The following SEMA5A variants were observed in gnomAD, a reference collection of about 807,000 sequenced individuals.
SEMA5A encodes semaphorin 5A.
In SEMA5A, 55 loss-of-function variants were observed where a neutral mutation model predicts 135.5. The ratio of observed to expected loss-of-function variants is 0.41; its 90% CI spans 0.33 to 0.51. SEMA5A has a LOEUF of 0.51. Ranked by LOEUF, SEMA5A falls within the 20% of genes least tolerant of loss-of-function variation. SEMA5A has a pLI of 0.37. For missense variants in SEMA5A, 1,290 were observed against 1,419.9 expected (o/e 0.91, Z 1.47); for synonymous variants, 580 against 546.5 (o/e 1.06, Z -0.85).
intron 16 of SEMA5A, among the ~76,000 whole-genome samples, chr5:9,089,619 AT>A (rs1215280016): frequency 2.6e-5 from 4 of 152,118 alleles, no homozygotes; most frequent in Non-Finnish European, 5.9e-5. Flanking sequence ...TACCACCCTT[AT>A]TTCTTTACCT....
rs189625363 is a variant in SEMA5A at position 9,475,005 on chromosome 5, G to A, written c.-174-37153C>T. Among the ~76,000 whole-genome samples the A allele has an allele frequency of 1.0e-3, 152 of 152,290 alleles. 1 individual carries two copies. The highest frequency in any genetic ancestry group is 9.1e-3 in the Admixed American group (139 of 15,296). On this transcript the variant is annotated intron_variant, in intron 1 of 22. Transcript: ENST00000382496. ...CACCCAGGCTGGAGTGCAGTGGCACGATCTCAGCTCACTGCAACCTCCACC... is the reference window on the plus strand; with the variant it reads ...CACCCAGGCTGGAGTGCAGTGGCACAATCTCAGCTCACTGCAACCTCCACC...
At chr5:9,267,704 A>C (rs1749755479) in intron 5 of SEMA5A, among the ~76,000 whole-genome samples, 2 of 152,152 alleles carry the variant, frequency 1.3e-5, no homozygotes, top group Admixed American at 1.3e-4. Context: ...TATAGAATTC[A>C]ACTAAAATAG....
At chr5:9,241,562 C>A in intron 5 of SEMA5A, among the ~76,000 whole-genome samples, 4 of 88,172 alleles carry the variant, frequency 4.5e-5, no homozygotes, top group African/African-American at 9.9e-5. Context: ...ACAAAGAGAG[C>A]TACAAAAAAA....
chr5:9,283,090 A>G (rs1750624462), intron 5 of SEMA5A, among the ~76,000 whole-genome samples: 1 of 152,234 alleles, frequency 6.6e-6, no homozygotes, highest in Non-Finnish European at 1.5e-5. Context: ...GCCACTGAGT[A>G]TAGGATAATT....
Position 9,154,521 on chromosome 5 carries a change from G to A in SEMA5A, c.1448C>T (p.Pro483Leu). The A allele has an allele frequency of 6.2e-7, 1 of 1,612,278 alleles. No individual in the cohort carries two copies. Among genetic ancestry groups the A allele is most frequent in the Non-Finnish European group, 8.5e-7 (1 of 1,179,980 alleles). ...VGLREHVVKI[P>L]LKRCQFYRTR... is the part of the protein sequence containing the mutation. ...GCGGTAGAACTGGCACCTCTTCAGG[G>A]GGATCTTGACCACGTGCTCCCGCAG... is the stretch of plus-strand genomic sequence containing the variant. Residue 483 changes from proline (P) to leucine (L), a missense_variant, in exon 12 of 23, where the codon CCC (proline) becomes CTC (leucine). Pro to Leu is a moderately conservative substitution (Grantham distance 98). Transcript: ENST00000382496.
intron 16 of SEMA5A, among the ~76,000 whole-genome samples, chr5:9,068,958 C>T (rs1203435579): frequency 6.6e-6 from 1 of 152,308 alleles, no homozygotes; most frequent in Non-Finnish European, 1.5e-5. Context: ...CAAGAGTCCT[C>T]TCTCAGCAGA....
intron 11 of SEMA5A, among the ~76,000 whole-genome samples, chr5:9,189,670 G>A (rs1411099975): frequency 1.3e-5 from 2 of 152,142 alleles, no homozygotes; most frequent in Admixed American, 1.3e-4. Context: ...CACACCCAGA[G>A]CCGTCTGTGT....
intron 12 of SEMA5A, 103 bp downstream of exon 12, chr5:9,154,385 C>T: frequency 1.0e-6 from 1 of 984,784 alleles, no homozygotes; most frequent in Non-Finnish European, 1.5e-6. Context: ...TGAAGGGTGG[C>T]TCTGAGGCCA....
chr5:9,209,201 G>A lies in SEMA5A; in HGVS notation c.647-6961C>T, dbSNP rs146559972. Among the ~76,000 whole-genome samples the A allele has an allele frequency of 6.6e-3, 1,008 of 152,252 alleles. 13 individuals carry two copies. The highest frequency in any genetic ancestry group is 0.023 in the African/African-American group (962 of 41,542). ...TAGGTCAATAGGAGTTTTATTAACT[G>A]GATATGTGTCTAAATGTTCTAGTTC... is the stretch of plus-strand genomic sequence containing the variant. On this transcript the variant is annotated intron_variant, in intron 8 of 22. Transcript: ENST00000382496.
chr5:9,499,058 G>C (rs418373), intron 1 of SEMA5A, among the ~76,000 whole-genome samples: 147,872 of 152,284 alleles, frequency 0.97, 72,043 homozygotes, highest in Non-Finnish European at 1. Flanking sequence ...AACATAGGCA[G>C]CGAAAGGTCC....
intron 2 of SEMA5A, among the ~76,000 whole-genome samples, chr5:9,384,709 T>TAGAC (rs1287474548): frequency 3.1e-5 from 4 of 127,392 alleles, no homozygotes; most frequent in African/African-American, 9.8e-5. Flanking sequence ...GATAGATAGA[T>TAGAC]AGATAGACAG....
intron 11 of SEMA5A, among the ~76,000 whole-genome samples, chr5:9,174,164 G>A (rs910270521): frequency 2.6e-5 from 4 of 152,198 alleles, no homozygotes; most frequent in African/African-American, 9.6e-5. Context: ...GTTAGACTTG[G>A]CCATTGTCAA....
intron 1 of SEMA5A, among the ~76,000 whole-genome samples, chr5:9,516,096 A>G (rs186869497): frequency 1.3e-5 from 2 of 152,354 alleles, no homozygotes; most frequent in East Asian, 1.9e-4. Context: ...CTGAACACCT[A>G]CGGTATATAA....
chr5:9,452,886 G>T (rs978023392), intron 1 of SEMA5A, among the ~76,000 whole-genome samples: 1 of 152,110 alleles, frequency 6.6e-6, no homozygotes, highest in Non-Finnish European at 1.5e-5. Context: ...TCCCAACGGG[G>T]TCTAATACAT....
At position 9,154,498 on chromosome 5, in the gene SEMA5A, G is replaced by C; in HGVS notation, c.1471C>G (p.Arg491Gly). Residue 491 changes from arginine to glycine, a missense_variant, in exon 12 of 23, where the codon CGC (arginine) becomes GGC (glycine). Coordinates refer to ENST00000382496, the MANE Select transcript of SEMA5A (RefSeq NM_003966.3). ...KIPLKRCQFY[R>G]TRSTCIGAQD... is the part of the protein sequence containing the mutation. ...CCGGAGATGCCCTACCTGCGTGTGC[G>C]GTAGAACTGGCACCTCTTCAGGGGG... is the stretch of plus-strand genomic sequence containing the variant. 1 of 1,611,876 alleles carries C rather than the reference G, an allele frequency of 6.2e-7. No homozygotes were observed. The highest frequency in any genetic ancestry group is 8.5e-7 in the Non-Finnish European group (1 of 1,179,936).
intron 11 of SEMA5A, among the ~76,000 whole-genome samples, chr5:9,188,347 AACTG>A (rs1221903968): frequency 1.3e-5 from 2 of 152,220 alleles, no homozygotes; most frequent in Non-Finnish European, 2.9e-5. Context: ...TTGTTGTAGC[AACTG>A]ACTAAGACAC....
chr5:9,202,115 T>C lies in SEMA5A; in HGVS notation c.772A>G (p.Ile258Val). 1 of 1,614,186 alleles carries C rather than the reference T, an allele frequency of 6.2e-7. No homozygotes were observed. The highest frequency in any genetic ancestry group is 8.5e-7 in the Non-Finnish European group (1 of 1,180,020). ...TCTTCCAGCAGGAAGCGCCCACCAATATCGTTCTTGCACACCCGGGCAGCT... is the reference window on the plus strand; with the variant it reads ...TCTTCCAGCAGGAAGCGCCCACCAACATCGTTCTTGCACACCCGGGCAGCT... ...SRAARVCKND[I>V]GGRFLLEDTW... Residue 258 changes from isoleucine (I) to valine (V), a missense_variant, in exon 9 of 23, where the codon ATT becomes GTT. This residue lies in a region of SEMA5A where 145 missense variants were observed against 212.0 expected (regional missense o/e 0.68). Transcript: ENST00000382496.
At chr5:9,065,687 A>C (rs1489042769) in intron 17 of SEMA5A, among the ~76,000 whole-genome samples, 1 of 152,202 alleles carries the variant, frequency 6.6e-6, no homozygotes, top group Non-Finnish European at 1.5e-5. Context: ...GATTTTGCCC[A>C]ATTAGAGGAG....
At chr5:9,233,920 A>G (rs956176840) in intron 6 of SEMA5A, among the ~76,000 whole-genome samples, 7 of 152,194 alleles carry the variant, frequency 4.6e-5, no homozygotes, top group Non-Finnish European at 1.0e-4. Context: ...AGAGTAGGAA[A>G]AAAAAAAAAC....
Sources: gnomAD v4.1 joint callset for allele counts (sites outside exome capture counted in the v4.1 genomes callset) on GRCh38, gnomAD v4.1.1 for gene constraint, gnomAD v4.1.1 regional missense constraint, MANE v1.5 for transcripts, NCBI Gene and HGNC (gene_info 2026-07-23, HGNC 2026-07-21) for gene names.